Variants in MYO1H observed in about 807,000 individuals in gnomAD.
The protein encoded by MYO1H is myosin IH, also known as unconventional myosin-Ih.
MYO1H carries 118 observed loss-of-function variants against 149.3 expected under a neutral mutation model. That is an observed-to-expected ratio of 0.79 (90% CI 0.68 to 0.92). The LOEUF is 0.92. Ranked by LOEUF, MYO1H falls within the 40% of genes least tolerant of loss-of-function variation. The probability of loss-of-function intolerance (pLI) is 0.00; values close to 1 mark genes in which losing one functional copy is unlikely to be tolerated. For missense variants in MYO1H, 1,212 were observed against 1,280.7 expected (o/e 0.95, Z 0.82); for synonymous variants, 447 against 465.2 (o/e 0.96, Z 0.50).
intron 30 of MYO1H, 52 bp downstream of exon 30, chr12:109,444,581 T>C (rs376398148): frequency 6.9e-6 from 10 of 1,441,120 alleles, no homozygotes; most frequent in Non-Finnish European, 9.7e-6. Flanking sequence ...AAAATGTTTA[T>C]TAAGGCCGAG....
intron 2 of MYO1H, 32 bp downstream of exon 2, chr12:109,388,876 A>G (rs752890132): frequency 6.3e-7 from 1 of 1,575,424 alleles, no homozygotes; most frequent in Admixed American, 1.8e-5. Flanking sequence ...CTGTTTTTCT[A>G]GGGTGGTTGT....
chr12:109,344,553 T>C (rs546480895), upstream of MYO1H, among the ~76,000 whole-genome samples: 14 of 152,360 alleles, frequency 9.2e-5, no homozygotes, highest in East Asian at 2.3e-3. Context: ...AGAATGTCAA[T>C]ACTCCCCAAA....
rs10774693 is a variant in MYO1H, at chr12:109,425,926, C to T, written c.1726-20C>T. ...TATCTCTCTGGCTCGTTCTCTCTCT[C>T]TTTCTCTCTCTCTCTGCAGGTGGGG... On this transcript the variant is annotated intron_variant, in intron 17 of 31. Coordinates refer to ENST00000310903, the Ensembl canonical transcript of MYO1H. 134 of 1,393,446 alleles carry T rather than the reference C, an allele frequency of 9.6e-5. No individual in the cohort carries two copies. Among genetic ancestry groups the T allele is most frequent in the Non-Finnish European group, 1.3e-4 (129 of 997,960 alleles). 86.3% of individuals were successfully genotyped at this position (1,393,446 alleles called of 1,614,324 possible).
intron 1 of MYO1H, among the ~76,000 whole-genome samples, chr12:109,352,264 A>C (rs112245965): frequency 1.3e-4 from 20 of 152,302 alleles, no homozygotes; most frequent in Non-Finnish European, 1.0e-4. Context: ...GAAAATGACA[A>C]TGATTTGAAA....
the MYO1H span, among the ~76,000 whole-genome samples, chr12:109,341,399 G>A: frequency 3.3e-5 from 5 of 151,988 alleles, no homozygotes; most frequent in Non-Finnish European, 7.3e-5. Context: ...AAGAATTTCT[G>A]CAAAAAATCA....
intron 6 of MYO1H, among the ~76,000 whole-genome samples, chr12:109,402,921 AT>A (rs1047061220): frequency 2.6e-5 from 4 of 152,224 alleles, no homozygotes; most frequent in African/African-American, 9.6e-5. Context: ...ATTCCTGTAG[AT>A]TTTTTTATGG....
Position 109,443,150 on chromosome 12 carries a change from G to GTGTGTGTA in MYO1H, c.2689-363_2689-362insGTGTGTAT, listed in dbSNP as rs1491246547. ...CGTATATATGTGTGTATATGTGTAC[G>GTGTGTGTA]TATGTGTGTGTATATGTGTACGTAT... is the stretch of plus-strand genomic sequence containing the variant. On this transcript the variant is annotated intron_variant, in intron 27 of 31. Transcript: ENST00000310903. Among the ~76,000 whole-genome samples, 14 of 66,532 alleles carry GTGTGTGTA rather than the reference G, an allele frequency of 2.1e-4. 4 individuals carry two copies. The highest frequency in any genetic ancestry group is 5.0e-4 in the South Asian group (1 of 2,016). 43.6% of individuals were successfully genotyped at this position (66,532 alleles called of 152,430 possible).
the MYO1H span, among the ~76,000 whole-genome samples, chr12:109,336,290 TC>T: frequency 6.6e-6 from 1 of 152,190 alleles, no homozygotes; most frequent in East Asian, 1.9e-4. Flanking sequence ...CACTTTTCAA[TC>T]CACCTTGACA....
At chr12:109,370,203 A>G (rs781328425) in intron 1 of MYO1H, among the ~76,000 whole-genome samples, 28 of 152,170 alleles carry the variant, frequency 1.8e-4, no homozygotes, top group Admixed American at 2.6e-4. Context: ...TGTCTTGCCA[A>G]TGTAGGTCTA....
chr12:109,436,640 C>G (rs1871873740), intron 22 of MYO1H, 84 bp downstream of exon 22: 1 of 889,412 alleles, frequency 1.1e-6, no homozygotes, highest in Non-Finnish European at 1.8e-6. Flanking sequence ...TTCTCTCCCC[C>G]TGCTCATCCT....
At chr12:109,418,573 G>A (rs569860745) in intron 15 of MYO1H, among the ~76,000 whole-genome samples, 1 of 151,688 alleles carries the variant, frequency 6.6e-6, no homozygotes, top group East Asian at 1.9e-4. Flanking sequence ...TTTTTTAGAC[G>A]GAGTCTCGCC....
rs776792338 is a variant in MYO1H at position 109,409,951 on chromosome 12, T to C, written c.1224-12T>C. 4 of 1,423,694 alleles carry C rather than the reference T, an allele frequency of 2.8e-6. No homozygotes were observed. In the South Asian group the frequency reaches 5.7e-5, roughly 20 times the overall value. The allele number at this position is 1,423,694 out of a possible 1,614,324, so 88.2% of individuals were successfully genotyped here. A position where few individuals can be genotyped will look rare whatever the true frequency, so the allele number is the denominator to read the frequency against. On this transcript the variant is annotated splice_polypyrimidine_tract_variant and intron_variant, in intron 11 of 31. Coordinates refer to ENST00000310903, the Ensembl canonical transcript of MYO1H. ...ATATAACTTTAGTTACTTAAATCTT[T>C]TGTATCTCTAGTTTTGAACAGTTCT...
intron 7 of MYO1H, among the ~76,000 whole-genome samples, chr12:109,405,147 A>G (rs1233473223): frequency 1.3e-5 from 2 of 151,858 alleles, no homozygotes; most frequent in Non-Finnish European, 2.9e-5. Context: ...CAGGAGGTTG[A>G]GGCTGTAGTG....
chr12:109,362,646 C>T (rs1309915033), intron 1 of MYO1H, among the ~76,000 whole-genome samples: 2 of 152,154 alleles, frequency 1.3e-5, no homozygotes, highest in Non-Finnish European at 2.9e-5. Context: ...CGGTAATAAA[C>T]CGGGAGAAAC....
At chr12:109,355,909 G>A (rs1199487971) in intron 1 of MYO1H, among the ~76,000 whole-genome samples, 1 of 150,966 alleles carries the variant, frequency 6.6e-6, no homozygotes, top group Non-Finnish European at 1.5e-5. Flanking sequence ...GTAGAGATAG[G>A]GTTTCATCAT....
intron 17 of MYO1H, among the ~76,000 whole-genome samples, 199 bp from the exon 18 acceptor site, chr12:109,425,747 C>G (rs1871329441): frequency 6.6e-6 from 1 of 152,140 alleles, no homozygotes; most frequent in Non-Finnish European, 1.5e-5. Context: ...TTCCACGTGA[C>G]CAGACCAAGA....
intron 27 of MYO1H, among the ~76,000 whole-genome samples, chr12:109,443,214 GTA>G (rs753515481): frequency 0.018 from 1,473 of 82,820 alleles, 415 homozygotes; most frequent in African/African-American, 0.063. Context: ...ATATGTGTAC[GTA>G]TATGTGTGTG....
At chr12:109,378,252 T>C (rs1272281789) in intron 1 of MYO1H, among the ~76,000 whole-genome samples, 2 of 152,150 alleles carry the variant, frequency 1.3e-5, no homozygotes, top group Non-Finnish European at 2.9e-5. Context: ...GTTTAATCTT[T>C]GGAGGAGCTA....
intron 1 of MYO1H, among the ~76,000 whole-genome samples, chr12:109,371,593 C>T (rs545845868): frequency 6.6e-6 from 1 of 152,214 alleles, no homozygotes; most frequent in African/African-American, 2.4e-5. Context: ...ATGCATGAAC[C>T]ATAATTTAAT....
Sources: gnomAD v4.1 joint callset for allele counts (sites outside exome capture counted in the v4.1 genomes callset) on GRCh38, gnomAD v4.1.1 for gene constraint, MANE v1.5 for transcripts, NCBI Gene and HGNC (gene_info 2026-07-23, HGNC 2026-07-21) for gene names.